GPR39: variants seen among roughly 807,000 people sequenced by gnomAD.
GPR39 encodes zinc sensing receptor.
A neutral mutation model predicts 18.4 loss-of-function variants in GPR39; 23 were observed. The observed-to-expected ratio is 1.25, with a 90% CI of 0.90 to 1.77. The LOEUF is 1.77. Among genes scored for constraint, GPR39 ranks in the 40% most tolerant of loss-of-function variants. GPR39 has a pLI of 0.00. For synonymous variants in GPR39, 280 were observed against 257.9 expected (o/e 1.09, Z -0.82); for missense variants, 647 against 602.4 (o/e 1.07, Z -0.78).
At chr2:132,436,894 A>T (rs948303519) in intron 1 of GPR39, among the ~76,000 whole-genome samples, 1 of 152,186 alleles carries the variant, frequency 6.6e-6, no homozygotes, top group African/African-American at 2.4e-5. Context: ...ACGTTTTAAA[A>T]AATTTACTTG....
chr2:132,583,522 C>T (rs978420986), intron 1 of GPR39, among the ~76,000 whole-genome samples: 5 of 151,870 alleles, frequency 3.3e-5, no homozygotes, highest in African/African-American at 7.3e-5. Flanking sequence ...GTGCTTCTTA[C>T]GGAGAATGAT....
At chr2:132,633,338 C>CTGTGTGTGTGTGTGTGTGTGTG (rs55722602) in intron 1 of GPR39, among the ~76,000 whole-genome samples, 4 of 139,106 alleles carry the variant, frequency 2.9e-5, no homozygotes, top group African/African-American at 8.2e-5. Flanking sequence ...CCAAATACCT[C>CTGTGTGTGTGTGTGTGTGTGTG]TGTGTGTGTG....
chr2:132,623,631 G>A (rs567115003), intron 1 of GPR39, among the ~76,000 whole-genome samples: 2 of 152,326 alleles, frequency 1.3e-5, no homozygotes, highest in Admixed American at 1.3e-4. Flanking sequence ...TAGCTGTGTG[G>A]CTTTGGCCAG....
intron 1 of GPR39, among the ~76,000 whole-genome samples, chr2:132,522,124 C>A (rs1244520365): frequency 6.6e-6 from 1 of 152,170 alleles, no homozygotes; most frequent in Non-Finnish European, 1.5e-5. Flanking sequence ...TTTGGAGTCC[C>A]TATCTGTCAA....
At chr2:132,430,441 ATTC>A (rs1290950905) in intron 1 of GPR39, among the ~76,000 whole-genome samples, 49 of 152,172 alleles carry the variant, frequency 3.2e-4, no homozygotes. Context: ...ACCAAACCGG[ATTC>A]TTCTTATTTA....
chr2:132,431,813 T>C (rs1336722317), intron 1 of GPR39, among the ~76,000 whole-genome samples: 1 of 152,190 alleles, frequency 6.6e-6, no homozygotes, highest in Non-Finnish European at 1.5e-5. Context: ...GTATATTAGT[T>C]TCCTGTGGCT....
At chr2:132,625,094 T>G (rs1681517497) in intron 1 of GPR39, among the ~76,000 whole-genome samples, 1 of 151,180 alleles carries the variant, frequency 6.6e-6, no homozygotes, top group Non-Finnish European at 1.5e-5. Context: ...TTTTTGCTTC[T>G]ACATGGCTTT....
intron 1 of GPR39, among the ~76,000 whole-genome samples, chr2:132,467,374 G>A (rs1162351815): frequency 1.3e-5 from 2 of 152,082 alleles, no homozygotes; most frequent in African/African-American, 2.4e-5. Flanking sequence ...ACTCATGGAC[G>A]TAAAGATGGC....
intron 1 of GPR39, among the ~76,000 whole-genome samples, chr2:132,621,284 T>A (rs1193540701): frequency 6.6e-6 from 1 of 152,162 alleles, no homozygotes; most frequent in African/African-American, 2.4e-5. Context: ...CCTTAGCTCA[T>A]TACCAGTGTC....
chr2:132,454,541 G>A (rs1680685006), intron 1 of GPR39, among the ~76,000 whole-genome samples: 1 of 152,086 alleles, frequency 6.6e-6, no homozygotes, highest in Non-Finnish European at 1.5e-5. Flanking sequence ...GGTGAGAGAG[G>A]GCATCCTTGT....
intron 1 of GPR39, among the ~76,000 whole-genome samples, chr2:132,614,474 T>G (rs1022179677): frequency 6.6e-6 from 1 of 152,092 alleles, no homozygotes; most frequent in African/African-American, 2.4e-5. Flanking sequence ...CTCTTGACCT[T>G]GTGATCCACA....
At chr2:132,570,172 T>C (rs1680417300) in intron 1 of GPR39, among the ~76,000 whole-genome samples, 1 of 152,130 alleles carries the variant, frequency 6.6e-6, no homozygotes, top group Admixed American at 6.5e-5. Context: ...CCCCAGTGTC[T>C]ACAGTCCTTG....
intron 1 of GPR39, among the ~76,000 whole-genome samples, chr2:132,558,048 GCTT>G (rs1680186789): frequency 6.6e-6 from 1 of 152,070 alleles, no homozygotes; most frequent in African/African-American, 2.4e-5. Flanking sequence ...GCCTTTTAGG[GCTT>G]CTTTTTTGTT....
chr2:132,626,177 TAC>T (rs1463411278), intron 1 of GPR39, among the ~76,000 whole-genome samples: 1 of 152,158 alleles, frequency 6.6e-6, no homozygotes, highest in East Asian at 1.9e-4. Flanking sequence ...TGCTGGTTAG[TAC>T]AGAGCTGGGA....
chr2:132,526,149 C>T (rs981430448), intron 1 of GPR39, among the ~76,000 whole-genome samples: 3 of 152,146 alleles, frequency 2.0e-5, no homozygotes, highest in African/African-American at 7.2e-5. Flanking sequence ...AAAATCCATG[C>T]CTTTGCTGCA....
chr2:132,637,855 G>A (rs1681791713), intron 1 of GPR39, among the ~76,000 whole-genome samples: 1 of 152,146 alleles, frequency 6.6e-6, no homozygotes. Context: ...CTCCCTGTTA[G>A]CTATTAAGGA....
At chr2:132,514,008 A>G (rs1247152404) in intron 1 of GPR39, among the ~76,000 whole-genome samples, 1 of 152,154 alleles carries the variant, frequency 6.6e-6, no homozygotes, top group Non-Finnish European at 1.5e-5. Flanking sequence ...CTTGCAGTCC[A>G]CCTTCCTTCT....
At chr2:132,644,983 T>C in intron 1 of GPR39, 118 bp from the exon 2 acceptor site, 1 of 1,191,724 alleles carries the variant, frequency 8.4e-7, no homozygotes, top group Non-Finnish European at 1.2e-6. Flanking sequence ...TGGTACCATT[T>C]CCTGGCCAGT....
chr2:132,599,417 G>A (rs1681002295), intron 1 of GPR39, among the ~76,000 whole-genome samples: 1 of 152,154 alleles, frequency 6.6e-6, no homozygotes, highest in Non-Finnish European at 1.5e-5. Flanking sequence ...CTTTGCAACA[G>A]TTTTTGAGGC....
Sources: gnomAD v4.1 joint callset for allele counts (sites outside exome capture counted in the v4.1 genomes callset) on GRCh38, gnomAD v4.1.1 for gene constraint, MANE v1.5 for transcripts, NCBI Gene and HGNC (gene_info 2026-07-23, HGNC 2026-07-21) for gene names.